The following NRXN1 variants were observed in gnomAD, a reference collection of about 807,000 sequenced individuals.
NRXN1 encodes neurexin 1, also known as neurexin-1.
A neutral mutation model predicts 150.9 loss-of-function variants in NRXN1; 39 were observed. The observed-to-expected ratio is 0.26, with a 90% CI of 0.20 to 0.34. The LOEUF (loss-of-function observed/expected upper bound fraction) is 0.34. NRXN1 is among the 10% of genes least tolerant of loss of function. The probability of loss-of-function intolerance (pLI) is 1.00; values close to 1 mark genes in which losing one functional copy is unlikely to be tolerated. For synonymous variants in NRXN1, 924 were observed against 757.0 expected, an observed-to-expected ratio of 1.22 and a Z score of -3.62; for missense variants, 1,815 against 1,949.9, an observed-to-expected ratio of 0.93 and a Z score of 1.30.
chr2:50,650,303 G>A (rs552836704), intron 5 of NRXN1, among the ~76,000 whole-genome samples: 31 of 152,178 alleles, frequency 2.0e-4, no homozygotes, highest in African/African-American at 7.0e-4. Context: ...GTCAGAGCAA[G>A]TGGTATATGA....
chr2:50,042,762 G>A (rs1219877119), intron 21 of NRXN1, among the ~76,000 whole-genome samples: 1 of 152,036 alleles, frequency 6.6e-6, no homozygotes, highest in African/African-American at 2.4e-5. Context: ...TCTCTAACAG[G>A]TAGATCATTA....
chr2:50,765,521 G>T (rs1702281933), intron 5 of NRXN1, among the ~76,000 whole-genome samples: 1 of 152,064 alleles, frequency 6.6e-6, no homozygotes, highest in South Asian at 2.1e-4. Context: ...CAGCTAAACA[G>T]TGCGTTGGTA....
chr2:50,577,102 A>G (rs974998723), intron 8 of NRXN1, among the ~76,000 whole-genome samples: 1 of 152,038 alleles, frequency 6.6e-6, no homozygotes, highest in Non-Finnish European at 1.5e-5. Context: ...ACGTTTTCAA[A>G]TCTCAGCATT....
intron 17 of NRXN1, among the ~76,000 whole-genome samples, chr2:50,449,923 G>A (rs2086806107): frequency 6.6e-6 from 1 of 152,148 alleles, no homozygotes; most frequent in Non-Finnish European, 1.5e-5. Context: ...TTTTACAGAT[G>A]AAGAAGCTGA....
chr2:50,517,874 T>C (rs1021849630), intron 12 of NRXN1, among the ~76,000 whole-genome samples: 3 of 152,146 alleles, frequency 2.0e-5, no homozygotes, highest in African/African-American at 7.2e-5. Context: ...TTTTCCTAAA[T>C]GATAGCAAAC....
chr2:50,147,239 A>AT (rs1193869696), intron 18 of NRXN1, among the ~76,000 whole-genome samples: 23 of 151,820 alleles, frequency 1.5e-4, no homozygotes, highest in African/African-American at 4.8e-4. Context: ...GTAATGATGT[A>AT]TTTTTTCAAA....
intron 17 of NRXN1, among the ~76,000 whole-genome samples, chr2:50,299,356 C>T (rs960377932): frequency 6.6e-6 from 1 of 151,908 alleles, no homozygotes; most frequent in Non-Finnish European, 1.5e-5. Flanking sequence ...TTGCAGTTCT[C>T]ATTTACTGAA....
At chr2:50,996,761 A>G (rs922738030) in intron 2 of NRXN1, among the ~76,000 whole-genome samples, 2 of 152,016 alleles carry the variant, frequency 1.3e-5, no homozygotes, top group Non-Finnish European at 2.9e-5. Context: ...CTCAGTCAAC[A>G]GCCACTCTAA....
At chr2:50,141,890 C>G (rs950974861) in intron 18 of NRXN1, among the ~76,000 whole-genome samples, 1 of 151,916 alleles carries the variant, frequency 6.6e-6, no homozygotes, top group East Asian at 1.9e-4. Context: ...GAAAACAATA[C>G]GTAGATTTCT....
At chr2:50,740,022 G>A (rs1001774567) in intron 5 of NRXN1, among the ~76,000 whole-genome samples, 3 of 152,064 alleles carry the variant, frequency 2.0e-5, no homozygotes, top group Admixed American at 6.6e-5. Context: ...ACTTCTACTC[G>A]TACAAGGGAT....
chr2:50,870,875 G>C (rs1178360340), intron 5 of NRXN1, among the ~76,000 whole-genome samples: 1 of 151,700 alleles, frequency 6.6e-6, no homozygotes, highest in Non-Finnish European at 1.5e-5. Flanking sequence ...CTATGTCTTG[G>C]ACTTCTGCAC....
Position 50,521,337 on chromosome 2 carries a change from T to C in NRXN1, c.2374+7288A>G, listed in dbSNP as rs894151728. On this transcript the variant is annotated intron_variant, in intron 12 of 22. Transcript: ENST00000401669. ...CGAGTCTGTATTTAGACTGATATCCTGGGAAGTGCAGTTGGAGAGTGAAGA... is the reference window on the plus strand; with the variant it reads ...CGAGTCTGTATTTAGACTGATATCCCGGGAAGTGCAGTTGGAGAGTGAAGA... Among the ~76,000 whole-genome samples the C allele has an allele frequency of 2.6e-5, 4 of 152,196 alleles. No homozygotes were observed. In the East Asian group the frequency reaches 7.7e-4, roughly 29 times the overall value.
At chr2:50,277,411 C>CCTT (rs1416771533) in intron 17 of NRXN1, among the ~76,000 whole-genome samples, 22 of 64,926 alleles carry the variant, frequency 3.4e-4, no homozygotes, top group South Asian at 2.8e-3. Flanking sequence ...CTCCCTCCTT[C>CCTT]CCTTCCTTCC....
intron 19 of NRXN1, among the ~76,000 whole-genome samples, chr2:50,086,442 G>A (rs901977437): frequency 6.6e-5 from 10 of 152,008 alleles, no homozygotes; most frequent in African/African-American, 1.7e-4. Context: ...ATGATCACGA[G>A]AAAAGATTTA....
intron 2 of NRXN1, among the ~76,000 whole-genome samples, chr2:51,010,749 G>A (rs1667719806): frequency 6.6e-6 from 1 of 150,828 alleles, no homozygotes; most frequent in East Asian, 2.0e-4. Flanking sequence ...GAGTGTCTAC[G>A]TTGCCACACC....
In NRXN1 at chr2:50,232,657, T is replaced by C. The variant is rs538841597; in HGVS notation, c.3546+4132A>G. 3.9e-5 allele frequency among the ~76,000 whole-genome samples: 6 copies of C among 152,208 alleles called. No individual in the cohort carries two copies. The East Asian group carries it at 9.7e-4, about 25-fold the overall frequency. ...GCCTTGGCCTCCCAAAGTGCTAGGA[T>C]TACAGGCGTGAGCCACTGAGCCCGG... is the stretch of plus-strand genomic sequence containing the variant. On this transcript the variant is annotated intron_variant, in intron 18 of 22. Coordinates refer to ENST00000401669, the MANE Select transcript of NRXN1 (RefSeq NM_001330078.2).
intron 4 of NRXN1, among the ~76,000 whole-genome samples, chr2:50,922,173 AT>A (rs1473312090): frequency 3.3e-5 from 5 of 151,888 alleles, no homozygotes; most frequent in African/African-American, 1.2e-4. Flanking sequence ...TAGAGAAAGT[AT>A]TGATTCTGTG....
chr2:50,221,121 C>G (rs1164500629), intron 18 of NRXN1, among the ~76,000 whole-genome samples: 1 of 151,882 alleles, frequency 6.6e-6, no homozygotes, highest in African/African-American at 2.4e-5. Context: ...CCAGTCTCAC[C>G]CAGTTATTTT....
chr2:49,952,035 C>T lies in NRXN1; in HGVS notation c.4129-8244G>A, dbSNP rs142722846. 3.6e-4 allele frequency among the ~76,000 whole-genome samples: 54 copies of T among 152,068 alleles called. 2 individuals are homozygous for T. The South Asian group carries it at 3.7e-3, about 11-fold the overall frequency. On this transcript the variant is annotated intron_variant, in intron 21 of 22. Coordinates refer to ENST00000401669, the MANE Select transcript of NRXN1 (RefSeq NM_001330078.2). ...AGATCTTAGAGATCATTAATCTAAG[C>T]TCTTCATTTTACATATTGGGAAACT...
Sources: gnomAD v4.1 joint callset for allele counts (sites outside exome capture counted in the v4.1 genomes callset) on GRCh38, gnomAD v4.1.1 for gene constraint, MANE v1.5 for transcripts, NCBI Gene and HGNC (gene_info 2026-07-23, HGNC 2026-07-21) for gene names.